ZFAT: variants seen among roughly 807,000 people sequenced by gnomAD.
ZFAT encodes the protein zinc finger protein ZFAT.
Under a neutral mutation model 117.7 loss-of-function variants are expected in ZFAT, and 64 were observed. That is an observed-to-expected ratio of 0.54 (90% CI 0.44 to 0.67). The LOEUF (loss-of-function observed/expected upper bound fraction) is 0.67. Among genes scored for constraint, ZFAT ranks in the 30% least tolerant of loss-of-function variants. ZFAT has a pLI of 0.00. For missense variants in ZFAT, 1,433 were observed against 1,584.5 expected, an observed-to-expected ratio of 0.90 and a Z score of 1.62; for synonymous variants, 679 against 615.0, an observed-to-expected ratio of 1.10 and a Z score of -1.54.
chr8:134,586,933 C>G (rs897374299), intron 9 of ZFAT, among the ~76,000 whole-genome samples: 1 of 152,216 alleles, frequency 6.6e-6, no homozygotes, highest in African/African-American at 2.4e-5. Flanking sequence ...GGGATGGTAA[C>G]AGCATCTGCC....
intron 1 of ZFAT, among the ~76,000 whole-genome samples, chr8:134,699,462 C>T (rs1286151317): frequency 6.6e-6 from 1 of 152,154 alleles, no homozygotes; most frequent in Non-Finnish European, 1.5e-5. Flanking sequence ...CCCTGCTGAG[C>T]CCGTTTCCTA....
At chr8:134,638,541 T>G (rs1418651589) in intron 2 of ZFAT, among the ~76,000 whole-genome samples, 2 of 46,446 alleles carry the variant, frequency 4.3e-5, no homozygotes, top group Admixed American at 2.5e-4. Flanking sequence ...CTGTCTCTAC[T>G]AAAAATACAA....
At chr8:134,592,670 G>A (rs1454248951) in intron 7 of ZFAT, among the ~76,000 whole-genome samples, 1 of 152,168 alleles carries the variant, frequency 6.6e-6, no homozygotes, top group Non-Finnish European at 1.5e-5. Flanking sequence ...TTGCTGCTGT[G>A]GTTTCCACAT....
At chr8:134,694,198 T>C (rs1476365786) in intron 1 of ZFAT, among the ~76,000 whole-genome samples, 1 of 152,158 alleles carries the variant, frequency 6.6e-6, no homozygotes, top group Admixed American at 6.5e-5. Flanking sequence ...ATGAGGCACG[T>C]GGCTGAGGTG....
At chr8:134,759,176 T>C in the ZFAT span, among the ~76,000 whole-genome samples, 1 of 152,358 alleles carries the variant, frequency 6.6e-6, no homozygotes, top group East Asian at 1.9e-4. Context: ...TATATTTGTA[T>C]AGCACTATAA....
At chr8:134,791,908 T>A in the ZFAT span, 1 of 152,042 alleles carries the variant, frequency 6.6e-6, no homozygotes, top group African/African-American at 2.4e-5. Context: ...AAAAAAAAAA[T>A]CTTGTTTAAG....
intron 3 of ZFAT, 103 bp downstream of exon 3, chr8:134,637,358 A>G (rs1303614449): frequency 9.2e-6 from 13 of 1,418,060 alleles, no homozygotes; most frequent in Non-Finnish European, 1.3e-5. Context: ...AGCTGAATAA[A>G]TATGTGCTAT....
At chr8:134,717,146 A>T (rs1250523583), upstream of ZFAT, among the ~76,000 whole-genome samples, 4 of 152,212 alleles carry the variant, frequency 2.6e-5, no homozygotes, top group African/African-American at 7.2e-5. Flanking sequence ...TGTTAATGAA[A>T]TGCTAATGAT....
chr8:134,694,228 G>A (rs887359307), intron 1 of ZFAT, among the ~76,000 whole-genome samples: 2 of 152,242 alleles, frequency 1.3e-5, no homozygotes, highest in African/African-American at 4.8e-5. Flanking sequence ...CATAAAGGGT[G>A]TCGCTGGGAC....
At chr8:134,714,607 CTG>C (rs1814176605), upstream of ZFAT, among the ~76,000 whole-genome samples, 1 of 152,196 alleles carries the variant, frequency 6.6e-6, no homozygotes, top group African/African-American at 2.4e-5. Context: ...GTTGTCCAGT[CTG>C]TTAAATATAT....
At chr8:134,816,318 A>G in the ZFAT span, among the ~76,000 whole-genome samples, 1 of 152,124 alleles carries the variant, frequency 6.6e-6, no homozygotes, top group African/African-American at 2.4e-5. Context: ...TAACATGTCT[A>G]TTTTGCCAAT....
At chr8:134,817,839 T>C in the ZFAT span, among the ~76,000 whole-genome samples, 3 of 152,092 alleles carry the variant, frequency 2.0e-5, no homozygotes, top group Non-Finnish European at 4.4e-5. Flanking sequence ...AATACCTCAA[T>C]GGAACAAAAT....
At position 134,601,586 on chromosome 8, in the gene ZFAT, G is replaced by C. The variant is rs773521751; in HGVS notation, c.2133C>G (p.Gly711=). Reference sequence around the variant, plus strand: ...TCAGGACCTTCATGAAAGCGGTGATGCCTGACCGGTGCTCAGGGGCAGCTT... The same window carrying C: ...TCAGGACCTTCATGAAAGCGGTGATCCCTGACCGGTGCTCAGGGGCAGCTT... The part of the protein sequence containing the change: ...SCKAAPEHRS[G]ITAFMKVLNS... The change falls in exon 6 of 16, where the codon GGC becomes GGG. Residue 711 remains glycine, a synonymous_variant. Coordinates refer to ENST00000377838, the MANE Select transcript of ZFAT (RefSeq NM_020863.4). 19 of 1,614,144 alleles carry C rather than the reference G, an allele frequency of 1.2e-5. No individual in the cohort carries two copies. The South Asian group carries it at 2.1e-4, about 18-fold the overall frequency.
Position 134,478,098 on chromosome 8 carries a change from G to A in ZFAT, c.*384C>T, listed in dbSNP as rs116877116. On this transcript the variant is annotated 3_prime_UTR_variant, in exon 16 of 16. Transcript: ENST00000377838. The surrounding 1 kb of genome is among the most constrained non-coding windows in gnomAD (Gnocchi z 5.2). ...GCATAGCGGTTGCAGATGAACATTT[G>A]GCACCTAGATGGGGGTCAAGGAGCT... The A allele has an allele frequency of 0.014, 3,309 of 244,896 alleles. 33 individuals carry two copies. The highest frequency in any genetic ancestry group is 0.019 in the Non-Finnish European group (2,315 of 124,076). The allele number at this position is 244,896 out of a possible 1,614,324, so 15.2% of individuals were successfully genotyped here. A position where few individuals can be genotyped will look rare whatever the true frequency, so the allele number is the denominator to read the frequency against.
At chr8:134,740,886 G>A in the ZFAT span, among the ~76,000 whole-genome samples, 1 of 152,214 alleles carries the variant, frequency 6.6e-6, no homozygotes, top group Non-Finnish European at 1.5e-5. Flanking sequence ...GAAAGGGGCT[G>A]TGGCATTTCA....
intron 1 of ZFAT, among the ~76,000 whole-genome samples, chr8:134,679,050 A>C (rs1167350284): frequency 1.3e-5 from 2 of 152,244 alleles, no homozygotes; most frequent in African/African-American, 4.8e-5. Flanking sequence ...TGACTAAAAC[A>C]CCAAAAGCAA....
At chr8:134,683,481 C>T (rs1833165961) in intron 1 of ZFAT, among the ~76,000 whole-genome samples, 1 of 152,078 alleles carries the variant, frequency 6.6e-6, no homozygotes, top group African/African-American at 2.4e-5. Context: ...GGCTGGAGCA[C>T]CTGGAAGAGG....
chr8:134,578,244 C>A (rs1040483906), intron 10 of ZFAT, among the ~76,000 whole-genome samples: 1 of 151,902 alleles, frequency 6.6e-6, no homozygotes, highest in East Asian at 1.9e-4. Flanking sequence ...GAAACCCCAT[C>A]TCTACTAAAG....
rs144631711 is a variant in ZFAT, at chr8:134,583,914, T to C, written c.2805A>G (p.Lys935=). 193 of 1,608,336 alleles carry C rather than the reference T, an allele frequency of 1.2e-4. No homozygotes were observed. The highest frequency in any genetic ancestry group is 1.0e-3 in the East Asian group (46 of 44,762). Residue 935 remains lysine (K), a synonymous_variant, in exon 10 of 16, where the codon AAA becomes AAG. Transcript: ENST00000377838. ...KAHMNRHSTE[K]THLCDMCGKK... ...TGCCACACATGTCACATAGGTGGGT[T>C]TTCTCAGTGCTGTGACGATTCATAT...
Sources: gnomAD v4.1 joint callset for allele counts (sites outside exome capture counted in the v4.1 genomes callset) on GRCh38, gnomAD v4.1.1 for gene constraint, Gnocchi (gnomAD v3.1) non-coding constraint, MANE v1.5 for transcripts, NCBI Gene and HGNC (gene_info 2026-07-23, HGNC 2026-07-21) for gene names.